ULK4: variants seen among roughly 807,000 people sequenced by gnomAD.
The protein encoded by ULK4 is unc-51 like kinase 4.
A neutral mutation model predicts 160.6 loss-of-function variants in ULK4; 133 were observed. The observed-to-expected ratio is 0.83, with a 90% confidence interval of 0.72 to 0.96. The LOEUF (loss-of-function observed/expected upper bound fraction) is 0.96, where lower values mean the gene tolerates loss of function less well. Ranked by LOEUF, ULK4 falls within the 40% of genes least tolerant of loss-of-function variation. ULK4 has a pLI of 0.00. For synonymous variants in ULK4, 534 were observed against 539.8 expected (o/e 0.99, Z 0.15); for missense variants, 1,580 against 1,499.5 (o/e 1.05, Z -0.89).
intron 35 of ULK4, among the ~76,000 whole-genome samples, chr3:41,380,305 G>A (rs1365669069): frequency 6.6e-6 from 1 of 152,116 alleles, no homozygotes; most frequent in Non-Finnish European, 1.5e-5. Context: ...TTTTATGATG[G>A]GGCTGGAAAG....
chr3:41,774,486 T>C (rs2039527409), intron 21 of ULK4, among the ~76,000 whole-genome samples: 1 of 149,792 alleles, frequency 6.7e-6, no homozygotes, highest in Non-Finnish European at 1.5e-5. Context: ...TCATCATCAC[T>C]GGCCATCAGA....
chr3:41,286,202 T>C (rs2079453198), intron 35 of ULK4, among the ~76,000 whole-genome samples: 1 of 152,210 alleles, frequency 6.6e-6, no homozygotes, highest in African/African-American at 2.4e-5. Flanking sequence ...TGGTGCATTA[T>C]GGTTAGTTTA....
At chr3:41,304,280 A>AAAAAAG (rs1298971368) in intron 35 of ULK4, among the ~76,000 whole-genome samples, 1 of 151,568 alleles carries the variant, frequency 6.6e-6, no homozygotes, top group African/African-American at 2.4e-5. Context: ...CCTCAAAAAA[A>AAAAAAG]AAAAAAAAAA....
intron 19 of ULK4, among the ~76,000 whole-genome samples, chr3:41,809,199 A>G (rs1575747159): frequency 6.6e-6 from 1 of 150,942 alleles, no homozygotes; most frequent in Non-Finnish European, 1.5e-5. Context: ...AAAAAAAAAC[A>G]AAAAAGAATT....
intron 30 of ULK4, among the ~76,000 whole-genome samples, chr3:41,619,764 G>C (rs1421125281): frequency 6.6e-6 from 1 of 152,026 alleles, no homozygotes; most frequent in Non-Finnish European, 1.5e-5. Flanking sequence ...AAATAACTAA[G>C]ATCAGAGCAG....
chr3:41,883,937 A>G lies in ULK4; in HGVS notation c.1593T>C (p.Ala531=), dbSNP rs764725207. The change falls in exon 17 of 37, where the codon GCT becomes GCC. Residue 531 remains alanine, a synonymous_variant. Transcript: ENST00000301831. ...GCGAAGCCAGTAAACCAATTACGTGAGCAACCTTGGCCCGTCTGTAAATGG... is the reference window on the plus strand; with the variant it reads ...GCGAAGCCAGTAAACCAATTACGTGGGCAACCTTGGCCCGTCTGTAAATGG... ...APNWDIRAKV[A]HVIGLLASHT... 125 of 1,610,460 alleles carry G rather than the reference A, an allele frequency of 7.8e-5. No homozygotes were observed. Among genetic ancestry groups the G allele is most frequent in the Admixed American group, 1.0e-4 (6 of 60,000 alleles).
intron 33 of ULK4, among the ~76,000 whole-genome samples, chr3:41,456,485 G>A (rs940703465): frequency 1.3e-5 from 2 of 152,152 alleles, no homozygotes; most frequent in African/African-American, 4.8e-5. Flanking sequence ...TGCATGAATA[G>A]GCTTCAAATA....
intron 4 of ULK4, among the ~76,000 whole-genome samples, chr3:41,932,721 C>A (rs2148823311): frequency 6.6e-6 from 1 of 152,226 alleles, no homozygotes; most frequent in Non-Finnish European, 1.5e-5. Context: ...TACATAGGTA[C>A]AATGGGTCAG....
chr3:41,836,330 G>A (rs1260810053), intron 17 of ULK4, among the ~76,000 whole-genome samples: 1 of 152,016 alleles, frequency 6.6e-6, no homozygotes, highest in African/African-American at 2.4e-5. Flanking sequence ...ACGCCACCAA[G>A]TCCGGCTAAT....
chr3:41,702,635 G>A (rs1294818470), intron 27 of ULK4, among the ~76,000 whole-genome samples: 1 of 151,686 alleles, frequency 6.6e-6, no homozygotes, highest in Non-Finnish European at 1.5e-5. Context: ...TATAAAGAGG[G>A]CGACTTCACA....
chr3:41,456,082 G>A (rs538492219), intron 33 of ULK4, among the ~76,000 whole-genome samples: 3 of 152,184 alleles, frequency 2.0e-5, no homozygotes, highest in African/African-American at 4.8e-5. Flanking sequence ...GCTAGTTTTT[G>A]TATTTTTAGT....
intron 35 of ULK4, among the ~76,000 whole-genome samples, chr3:41,254,980 G>A (rs1165394375): frequency 6.6e-6 from 1 of 151,928 alleles, no homozygotes; most frequent in Non-Finnish European, 1.5e-5. Context: ...TAAGAGGAAT[G>A]TGGTAAATGT....
chr3:41,646,910 C>G (rs1172160220), intron 30 of ULK4, among the ~76,000 whole-genome samples: 2 of 152,188 alleles, frequency 1.3e-5, no homozygotes, highest in Non-Finnish European at 2.9e-5. Context: ...TCATTTTTCT[C>G]TAAACTTCCC....
intron 22 of ULK4, among the ~76,000 whole-genome samples, chr3:41,751,845 C>T (rs1425927771): frequency 1.3e-5 from 2 of 152,154 alleles, no homozygotes; most frequent in African/African-American, 4.8e-5. Context: ...ATCATAGGCA[C>T]AGGAAACAGC....
intron 2 of ULK4, among the ~76,000 whole-genome samples, 164 bp from the exon 3 acceptor site, chr3:41,938,361 C>T (rs1699846729): frequency 6.6e-6 from 1 of 152,050 alleles, no homozygotes; most frequent in African/African-American, 2.4e-5. Context: ...GGGCTAGTTA[C>T]ACAGAAAAAC....
intron 32 of ULK4, among the ~76,000 whole-genome samples, chr3:41,525,984 G>T (rs980021040): frequency 1.3e-5 from 2 of 152,160 alleles, no homozygotes; most frequent in African/African-American, 4.8e-5. Flanking sequence ...GTCTTTTGCA[G>T]CTTCTAGTGT....
rs999713590 is a variant in ULK4 at position 41,799,475 on chromosome 3, G to A, written c.2010+657C>T. Among the ~76,000 whole-genome samples, 3 of 152,134 alleles carry A rather than the reference G, an allele frequency of 2.0e-5. No homozygotes were observed. The South Asian group carries it at 6.2e-4, about 32-fold the overall frequency. On this transcript the variant is annotated intron_variant, in intron 20 of 36. Coordinates refer to ENST00000301831, the MANE Select transcript of ULK4 (RefSeq NM_017886.4). ...TCATTTGACACAAAATCTGAATGGG[G>A]ATGCTAACAGGGAAAAGTCAGGGAA...
At chr3:41,552,684 A>C (rs1370953673) in intron 32 of ULK4, among the ~76,000 whole-genome samples, 1 of 152,006 alleles carries the variant, frequency 6.6e-6, no homozygotes, top group Non-Finnish European at 1.5e-5. Context: ...AGCTATATTG[A>C]GTCATAGCAA....
intron 35 of ULK4, among the ~76,000 whole-genome samples, chr3:41,396,687 GGAAAT>G (rs2082068845): frequency 6.6e-6 from 1 of 152,062 alleles, no homozygotes; most frequent in South Asian, 2.1e-4. Context: ...AAAAGAAAAT[GGAAAT>G]GAAATAACTG....
Sources: gnomAD v4.1 joint callset for allele counts (sites outside exome capture counted in the v4.1 genomes callset) on GRCh38, gnomAD v4.1.1 for gene constraint, MANE v1.5 for transcripts, NCBI Gene and HGNC (gene_info 2026-07-23, HGNC 2026-07-21) for gene names.